The following EPHB2 variants were observed in gnomAD, a reference collection of about 807,000 sequenced individuals.
The protein encoded by EPHB2 is ephrin type-B receptor 2.
A neutral mutation model predicts 96.4 loss-of-function variants in EPHB2; 18 were observed. That is an observed-to-expected ratio of 0.19 (90% confidence interval 0.13 to 0.28). The LOEUF is 0.28. Among genes scored for constraint, EPHB2 ranks in the 10% least tolerant of loss-of-function variants. The pLI is 1.00. For synonymous variants in EPHB2, 506 were observed against 534.1 expected (o/e 0.95, Z 0.72); for missense variants, 989 against 1,355.4 (o/e 0.73, Z 4.25).
chr1:22,795,577 C>G, intron 3 of EPHB2, among the ~76,000 whole-genome samples: 1 of 152,160 alleles, frequency 6.6e-6, no homozygotes, highest in East Asian at 1.9e-4. Flanking sequence ...TTACACCCTG[C>G]TTTATTCCAG....
chr1:22,817,832 G>A (rs1645095517), intron 3 of EPHB2, among the ~76,000 whole-genome samples: 1 of 152,192 alleles, frequency 6.6e-6, no homozygotes, highest in Non-Finnish European at 1.5e-5. Flanking sequence ...ATCGGCTAGG[G>A]GCCTGCATAG....
At chr1:22,878,501 A>G (rs560475086) in intron 5 of EPHB2, among the ~76,000 whole-genome samples, 40 of 152,264 alleles carry the variant, frequency 2.6e-4, no homozygotes, top group African/African-American at 3.9e-4. Flanking sequence ...ACCCCGTATC[A>G]TGTGGTTGGC....
intron 6 of EPHB2, among the ~76,000 whole-genome samples, chr1:22,889,368 CCT>C (rs1429376067): frequency 1.9e-4 from 29 of 152,308 alleles, no homozygotes; most frequent in African/African-American, 6.0e-4. Flanking sequence ...CAGAATCTAA[CCT>C]GTTTTCAAGT....
At chr1:22,769,646 G>A (rs755206623) in intron 1 of EPHB2, among the ~76,000 whole-genome samples, 7 of 152,106 alleles carry the variant, frequency 4.6e-5, no homozygotes, top group African/African-American at 7.2e-5. Context: ...GAGCTCCAGC[G>A]ATTCACCCAC....
rs1332942094 is a variant in EPHB2, at chr1:22,916,274, C to G, written c.*2704C>G. The G allele has an allele frequency of 6.6e-6, 1 of 152,446 alleles. No individual in the cohort carries two copies. Among genetic ancestry groups the G allele is most frequent in the Admixed American group, 6.5e-5 (1 of 15,282 alleles). 9.4% of individuals were successfully genotyped at this position (152,446 alleles called of 1,614,324 possible). A position where few individuals can be genotyped will look rare whatever the true frequency, so the allele number is the denominator to read the frequency against. On this transcript the variant is annotated 3_prime_UTR_variant, in exon 16 of 16. Coordinates refer to ENST00000374630, the MANE Select transcript of EPHB2 (RefSeq NM_017449.5). The surrounding 1 kb of genome is among the most constrained non-coding windows in gnomAD (Gnocchi z 4.2). ...CACATGGGGCTGGCAGTCGGTGCTTCCCGTCAGATGGCTTCCTGTCCTAAG... is the reference window on the plus strand; with the variant it reads ...CACATGGGGCTGGCAGTCGGTGCTTGCCGTCAGATGGCTTCCTGTCCTAAG...
At position 22,906,991 on chromosome 1, in the gene EPHB2, A is replaced by G. The variant is rs1639938816; in HGVS notation, c.2136+34A>G. Reference sequence around the variant, plus strand: ...AGCCAAGAGGGCCAGGGGCCCATGAATGGGGCAGGAAAAGGAACGATGGAC... The same window carrying G: ...AGCCAAGAGGGCCAGGGGCCCATGAGTGGGGCAGGAAAAGGAACGATGGAC... On this transcript the variant is annotated intron_variant, in intron 11 of 15. Transcript: ENST00000374630. This position sits in a 1 kb window ranked among gnomAD's most constrained non-coding sequence, Gnocchi z 4.8. The G allele has an allele frequency of 1.9e-6, 3 of 1,578,858 alleles. No homozygotes were observed. The highest frequency in any genetic ancestry group is 2.2e-5 in the East Asian group (1 of 44,466).
intron 1 of EPHB2, among the ~76,000 whole-genome samples, chr1:22,762,036 T>G (rs1214310432): frequency 6.6e-6 from 1 of 152,212 alleles, no homozygotes; most frequent in African/African-American, 2.4e-5. Context: ...TAAAAATAGC[T>G]CAATTGGGAT....
At chr1:22,870,764 T>C (rs569035608) in intron 5 of EPHB2, among the ~76,000 whole-genome samples, 1 of 152,182 alleles carries the variant, frequency 6.6e-6, no homozygotes, top group Non-Finnish European at 1.5e-5. Context: ...CTTCCGGAAG[T>C]AGTGGGAAGG....
chr1:22,732,788 G>A (rs1170989910), intron 1 of EPHB2, among the ~76,000 whole-genome samples: 2 of 152,154 alleles, frequency 1.3e-5, no homozygotes, highest in Non-Finnish European at 2.9e-5. Flanking sequence ...CTGCGTTCCT[G>A]GGCGGGGGTG....
intron 5 of EPHB2, among the ~76,000 whole-genome samples, chr1:22,877,695 A>G (rs1274297500): frequency 6.6e-6 from 1 of 152,170 alleles, no homozygotes; most frequent in Non-Finnish European, 1.5e-5. Flanking sequence ...CAGGTGGATC[A>G]TATACTAGAC....
chr1:22,733,255 G>T lies in EPHB2; in HGVS notation c.61+22212G>T, dbSNP rs1316010408. 6.6e-6 allele frequency among the ~76,000 whole-genome samples: 1 copy of T among 152,070 alleles called. No homozygotes were observed. The highest frequency in any genetic ancestry group is 2.4e-5 in the African/African-American group (1 of 41,382). On this transcript the variant is annotated intron_variant, in intron 1 of 15. Coordinates refer to ENST00000374630, the MANE Select transcript of EPHB2 (RefSeq NM_017449.5). This position sits in a 1 kb window ranked among gnomAD's most constrained non-coding sequence, Gnocchi z 4.6. ...GTAGAGACGGGGTTTCACCGTGTTG[G>T]CCAGGCTGGTCTCAAACTTCTGACC...
intron 3 of EPHB2, among the ~76,000 whole-genome samples, chr1:22,829,675 A>G (rs1645275257): frequency 6.6e-6 from 1 of 152,180 alleles, no homozygotes; most frequent in Non-Finnish European, 1.5e-5. Flanking sequence ...ATGGAATGGT[A>G]GGGCCATTTG....
At chr1:22,879,761 C>A (rs990763381) in intron 5 of EPHB2, among the ~76,000 whole-genome samples, 3 of 152,250 alleles carry the variant, frequency 2.0e-5, no homozygotes, top group Non-Finnish European at 4.4e-5. Context: ...CACCTGCAAA[C>A]ACCCACAGCA....
At chr1:22,876,770 C>T (rs1408081178) in intron 5 of EPHB2, among the ~76,000 whole-genome samples, 1 of 152,226 alleles carries the variant, frequency 6.6e-6, no homozygotes, top group Non-Finnish European at 1.5e-5. Context: ...GTTCCCTTTT[C>T]TCCGCCGTTA....
At chr1:22,848,098 G>A (rs7519206) in intron 3 of EPHB2, among the ~76,000 whole-genome samples, 45,924 of 152,058 alleles carry the variant, frequency 0.3, 7,456 homozygotes, top group Middle Eastern at 0.44. Flanking sequence ...TATGGAGTAA[G>A]TCTATCCTCA....
chr1:22,781,434 C>T lies in EPHB2; in HGVS notation c.75C>T (p.Asp25=), dbSNP rs1474178861. ...LLAAVEETLM[D]STTATAELGW... Reference sequence around the variant, plus strand: ...CTCTCCCCACAGAAACGCTAATGGACTCCACTACAGCGACTGCTGAGCTGG... The same window carrying T: ...CTCTCCCCACAGAAACGCTAATGGATTCCACTACAGCGACTGCTGAGCTGG... Residue 25 remains aspartate, a synonymous_variant, in exon 2 of 16, where the codon GAC becomes GAT. Transcript: ENST00000374630. 4 of 1,613,910 alleles carry T rather than the reference C, an allele frequency of 2.5e-6. No homozygotes were observed. In the African/African-American group the frequency reaches 4.0e-5, roughly 16 times the overall value.
chr1:22,864,802 G>A, intron 4 of EPHB2, 75 bp from the exon 5 acceptor site: 1 of 938,904 alleles, frequency 1.1e-6, no homozygotes, highest in Non-Finnish European at 1.6e-6. Flanking sequence ...AGCCAGAGCA[G>A]CGGGCACAGA....
chr1:22,727,368 G>A (rs1418226413), intron 1 of EPHB2, among the ~76,000 whole-genome samples: 1 of 152,270 alleles, frequency 6.6e-6, no homozygotes, highest in Non-Finnish European at 1.5e-5. Context: ...CAGAGCAGCT[G>A]CCTGCCTGCC....
intron 3 of EPHB2, among the ~76,000 whole-genome samples, chr1:22,785,809 C>T (rs1018046438): frequency 2.0e-5 from 3 of 152,234 alleles, no homozygotes; most frequent in African/African-American, 4.8e-5. Flanking sequence ...CACGACTCCC[C>T]CTTGTACTAT....
Sources: allele counts gnomAD v4.1 joint callset (sites outside exome capture counted in the v4.1 genomes callset), GRCh38; gene constraint gnomAD v4.1.1; non-coding constraint Gnocchi (gnomAD v3.1); transcripts MANE v1.5; gene names NCBI Gene and HGNC (gene_info 2026-07-23, HGNC 2026-07-21).